CTNNA1: variants seen among roughly 807,000 people sequenced by gnomAD.
CTNNA1 encodes catenin alpha 1.
A neutral mutation model predicts 98.4 loss-of-function variants in CTNNA1; 37 were observed. That is an observed-to-expected ratio of 0.38 (90% CI 0.29 to 0.49). The LOEUF is 0.49. CTNNA1 is among the 20% of genes least tolerant of loss of function. CTNNA1 has a pLI of 0.95. For synonymous variants in CTNNA1, 404 were observed against 413.2 expected (o/e 0.98, Z 0.27); for missense variants, 761 against 1,147.2 (o/e 0.66, Z 4.86).
intron 7 of CTNNA1, chr5:138,872,744 A>G (rs1750794053): frequency 3.0e-6 from 1 of 334,784 alleles, no homozygotes; most frequent in Non-Finnish European, 5.4e-6. Context: ...ACGATTGTAT[A>G]TAATTACATA....
At chr5:138,841,271 A>G (rs1762243687) in intron 7 of CTNNA1, among the ~76,000 whole-genome samples, 1 of 151,958 alleles carries the variant, frequency 6.6e-6, no homozygotes, top group African/African-American at 2.4e-5. Context: ...GTATTTATTT[A>G]TTTTTTGAGA....
chr5:138,824,081 C>T (rs1167813629), intron 5 of CTNNA1, among the ~76,000 whole-genome samples: 1 of 150,592 alleles, frequency 6.6e-6, no homozygotes, highest in East Asian at 1.9e-4. Flanking sequence ...GGTATAGGTA[C>T]ATATATCTAT....
At chr5:138,910,832 TAGGGACTGC>T (rs554511843) in intron 10 of CTNNA1, among the ~76,000 whole-genome samples, 271 of 152,264 alleles carry the variant, frequency 1.8e-3, no homozygotes, top group African/African-American at 6.3e-3. Context: ...AAAACAAGTT[TAGGGACTGC>T]AGGGCCTTTG....
chr5:138,837,421 T>G (rs745513739), intron 7 of CTNNA1, among the ~76,000 whole-genome samples: 1 of 151,302 alleles, frequency 6.6e-6, no homozygotes, highest in Non-Finnish European at 1.5e-5. Flanking sequence ...TTCCTTCTCC[T>G]CCTCCTCCTT....
At chr5:138,777,750 C>G (rs1048804871) in intron 1 of CTNNA1, among the ~76,000 whole-genome samples, 2 of 151,070 alleles carry the variant, frequency 1.3e-5, no homozygotes, top group Admixed American at 6.6e-5. Flanking sequence ...CACAGGCACT[C>G]GGCAGGCTGA....
intron 11 of CTNNA1, among the ~76,000 whole-genome samples, chr5:138,924,005 A>G (rs1053471107): frequency 2.0e-5 from 3 of 152,218 alleles, no homozygotes; most frequent in African/African-American, 4.8e-5. Context: ...GGAGGCTTCA[A>G]CCTGCTTTCC....
At chr5:138,860,731 G>T (rs908720876) in intron 7 of CTNNA1, among the ~76,000 whole-genome samples, 6 of 152,158 alleles carry the variant, frequency 3.9e-5, no homozygotes, top group African/African-American at 1.4e-4. Context: ...CTGACCTCAG[G>T]TGATCCACCC....
chr5:138,816,354 C>G (rs1759433901), intron 5 of CTNNA1, among the ~76,000 whole-genome samples: 1 of 152,218 alleles, frequency 6.6e-6, no homozygotes, highest in Non-Finnish European at 1.5e-5. Context: ...ATGCATGTCT[C>G]TCTTTGACTT....
At chr5:138,826,468 T>C (rs889229058) in intron 6 of CTNNA1, among the ~76,000 whole-genome samples, 6 of 152,178 alleles carry the variant, frequency 3.9e-5, no homozygotes, top group Non-Finnish European at 5.9e-5. Context: ...TACCTATAGC[T>C]TACTTGTGAC....
chr5:138,906,460 C>T (rs1432655841), intron 10 of CTNNA1, among the ~76,000 whole-genome samples: 3 of 152,058 alleles, frequency 2.0e-5, no homozygotes, highest in Non-Finnish European at 1.5e-5. Context: ...GCTTGAAAAG[C>T]GACAATGCTT....
At chr5:138,877,836 G>A (rs1253985389) in intron 7 of CTNNA1, among the ~76,000 whole-genome samples, 3 of 152,112 alleles carry the variant, frequency 2.0e-5, no homozygotes, top group East Asian at 1.9e-4. Context: ...CCTTTGCCAC[G>A]CAGGAGAAGC....
chr5:138,860,626 G>C (rs768558967), intron 7 of CTNNA1, among the ~76,000 whole-genome samples: 26 of 152,160 alleles, frequency 1.7e-4, no homozygotes, highest in Non-Finnish European at 3.2e-4. Flanking sequence ...CTCCTGAGTA[G>C]CTGGGATTAC....
Position 138,934,105 on chromosome 5 carries a change from C to G in CTNNA1, c.*16C>G. 2 of 1,597,688 alleles carry G rather than the reference C, an allele frequency of 1.3e-6. No individual in the cohort carries two copies. Among genetic ancestry groups the G allele is most frequent in the Non-Finnish European group, 1.7e-6 (2 of 1,171,058 alleles). On this transcript the variant is annotated 3_prime_UTR_variant, in exon 18 of 18. Transcript: ENST00000302763. ...CAGCATCTAAGTCTGCCCAGGCCGG[C>G]CGCCCCCACCCCTCGGGGCTCCTGA... is the stretch of plus-strand genomic sequence containing the variant.
intron 3 of CTNNA1, among the ~76,000 whole-genome samples, chr5:138,796,374 C>A (rs915971752): frequency 7.8e-6 from 1 of 128,752 alleles, no homozygotes; most frequent in Non-Finnish European, 1.7e-5. Context: ...GAAACCCCAT[C>A]TCTACTAAAA....
intron 3 of CTNNA1, among the ~76,000 whole-genome samples, chr5:138,795,176 A>T (rs1413219844): frequency 7.9e-6 from 1 of 127,032 alleles, no homozygotes; most frequent in Non-Finnish European, 1.6e-5. Context: ...AAAAAAAAAG[A>T]GCTGGCCAGT....
chr5:138,925,446 C>CTT, intron 13 of CTNNA1, 39 bp downstream of exon 13: 1 of 1,600,262 alleles, frequency 6.2e-7, no homozygotes, highest in Non-Finnish European at 8.5e-7. Flanking sequence ...CAGCTTCTTT[C>CTT]TTATCATTTG....
chr5:138,924,235 A>G (rs1763493237), intron 11 of CTNNA1, among the ~76,000 whole-genome samples: 1 of 152,126 alleles, frequency 6.6e-6, no homozygotes, highest in African/African-American at 2.4e-5. Context: ...CTGTGTCTCA[A>G]AGATGGGCAT....
At chr5:138,903,538 C>T (rs1335961366) in intron 9 of CTNNA1, among the ~76,000 whole-genome samples, 3 of 152,282 alleles carry the variant, frequency 2.0e-5, no homozygotes, top group African/African-American at 7.2e-5. Flanking sequence ...TGATCACAGC[C>T]TTAGCAGTCA....
Position 138,923,202 on chromosome 5 carries a change from ACCTCGTATGGTAGT to A in CTNNA1, c.1547-1304_1547-1291del, listed in dbSNP as rs1561751810. ...GTAAAGCAGCAGTTTTTAACCCAAG[ACCTCGTATGGTAGT>A]CCTGCTCAGTACATTTGTTTAGCTT... On this transcript the variant is annotated intron_variant, in intron 11 of 17. Transcript: ENST00000302763. Among the ~76,000 whole-genome samples, 4 of 152,230 alleles carry A rather than the reference ACCTCGTATGGTAGT, an allele frequency of 2.6e-5. No homozygotes were observed. The South Asian group carries it at 6.2e-4, about 24-fold the overall frequency.
Sources: allele counts gnomAD v4.1 joint callset (sites outside exome capture counted in the v4.1 genomes callset), GRCh38; gene constraint gnomAD v4.1.1; transcripts MANE v1.5; gene names NCBI Gene and HGNC (gene_info 2026-07-23, HGNC 2026-07-21).